The following CRYBG1 variants were observed in gnomAD, a reference collection of about 807,000 sequenced individuals.
The protein encoded by CRYBG1 is beta/gamma crystallin domain-containing protein 1.
In CRYBG1, 139 loss-of-function variants were observed where a neutral mutation model predicts 189.2. The observed-to-expected ratio is 0.73, with a 90% CI of 0.64 to 0.85. The LOEUF is 0.85. CRYBG1 is among the 40% of genes least tolerant of loss of function. CRYBG1 has a pLI of 0.00. For missense variants in CRYBG1, 2,611 were observed against 2,675.8 expected (o/e 0.98, Z 0.53); for synonymous variants, 1,023 against 1,017.1 (o/e 1.01, Z -0.11).
intron 1 of CRYBG1, among the ~76,000 whole-genome samples, chr6:106,377,642 TATA>T (rs565647398): frequency 2.8e-5 from 4 of 144,694 alleles, no homozygotes; most frequent in South Asian, 4.5e-4. Context: ...TATATATATA[TATA>T]TATTTTCATT....
At chr6:106,418,458 T>C (rs758086569) in intron 1 of CRYBG1, among the ~76,000 whole-genome samples, 3 of 152,228 alleles carry the variant, frequency 2.0e-5, no homozygotes, top group Non-Finnish European at 4.4e-5. Context: ...GCCTAGGCAT[T>C]TGGCTGACTC....
intron 2 of CRYBG1, among the ~76,000 whole-genome samples, chr6:106,479,888 C>T (rs879797143): frequency 5.3e-5 from 8 of 152,178 alleles, no homozygotes; most frequent in Admixed American, 3.3e-4. Context: ...TTGAAAGTGT[C>T]CTTAGAAGCA....
intron 4 of CRYBG1, among the ~76,000 whole-genome samples, chr6:106,524,317 C>T (rs1773684001): frequency 6.6e-6 from 1 of 152,076 alleles, no homozygotes; most frequent in South Asian, 2.1e-4. Context: ...AATCCCAGCA[C>T]TTTGGGAGGC....
chr6:106,530,389 G>A, intron 8 of CRYBG1, 74 bp downstream of exon 8: 1 of 1,386,744 alleles, frequency 7.2e-7, no homozygotes, highest in Non-Finnish European at 9.8e-7. Flanking sequence ...GAGGACTTAA[G>A]ATACTCTGAC....
chr6:106,448,723 C>T (rs1463748566), intron 1 of CRYBG1, among the ~76,000 whole-genome samples: 1 of 152,244 alleles, frequency 6.6e-6, no homozygotes, highest in Admixed American at 6.5e-5. Flanking sequence ...ACATCCATTT[C>T]TACCCTCTCC....
chr6:106,421,800 TCA>T (rs1347552570), intron 1 of CRYBG1, among the ~76,000 whole-genome samples: 1 of 152,100 alleles, frequency 6.6e-6, no homozygotes, highest in Non-Finnish European at 1.5e-5. Flanking sequence ...AATGGAGAAC[TCA>T]CAGTTCCACT....
chr6:106,425,343 C>T (rs760495636), intron 1 of CRYBG1, among the ~76,000 whole-genome samples: 26 of 152,244 alleles, frequency 1.7e-4, no homozygotes, highest in Non-Finnish European at 3.4e-4. Context: ...GTCCCACCTC[C>T]GCCACACTCA....
intron 8 of CRYBG1, among the ~76,000 whole-genome samples, chr6:106,538,611 G>C (rs962334406): frequency 6.6e-6 from 1 of 152,126 alleles, no homozygotes; most frequent in Non-Finnish European, 1.5e-5. Flanking sequence ...AATGATTAGG[G>C]CTGGGCATGG....
At chr6:106,476,593 T>C (rs1364120525) in intron 2 of CRYBG1, among the ~76,000 whole-genome samples, 1 of 148,110 alleles carries the variant, frequency 6.8e-6, no homozygotes, top group Non-Finnish European at 1.5e-5. Flanking sequence ...GAGGTGGAGA[T>C]TTTTTTAATG....
intron 1 of CRYBG1, among the ~76,000 whole-genome samples, chr6:106,435,529 G>A (rs1582761148): frequency 1.3e-5 from 2 of 152,150 alleles, no homozygotes. Flanking sequence ...TGTCAAAACA[G>A]ATGTTGGCTG....
rs373178193 is a variant in CRYBG1 at position 106,361,975 on chromosome 6, T to TCTTTCTTTCTTTCTTTC, written c.173+894_173+895insCTTTCTTTCTTTCTTTC. Among the ~76,000 whole-genome samples the TCTTTCTTTCTTTCTTTC allele has an allele frequency of 1.7e-3, 223 of 129,372 alleles. 1 individual carries two copies. Among genetic ancestry groups the TCTTTCTTTCTTTCTTTC allele is most frequent in the East Asian group, 2.5e-3 (11 of 4,374 alleles). The allele number at this position is 129,372 out of a possible 152,430, so 84.9% of individuals were successfully genotyped here. Reference sequence around the variant, plus strand: ...TCCTTTTATTTCTTTCTTTCTTTTTTTTTTTTTTTTTCTGAGACGGAGTCT... The same window carrying TCTTTCTTTCTTTCTTTC: ...TCCTTTTATTTCTTTCTTTCTTTTTTCTTTCTTTCTTTCTTTCTTTTTTTTTTTCTGAGACGGAGTCT... On this transcript the variant is annotated intron_variant, in intron 1 of 21. Transcript: ENST00000633556.
chr6:106,548,572 T>TC (rs1390916771), intron 13 of CRYBG1, among the ~76,000 whole-genome samples: 1 of 152,140 alleles, frequency 6.6e-6, no homozygotes, highest in Non-Finnish European at 1.5e-5. Flanking sequence ...CTGTCTTTTT[T>TC]CCCTCCAAAC....
intron 2 of CRYBG1, among the ~76,000 whole-genome samples, chr6:106,467,454 A>G (rs1490105819): frequency 6.6e-6 from 1 of 152,196 alleles, no homozygotes; most frequent in Non-Finnish European, 1.5e-5. Flanking sequence ...CCTGGGCAAC[A>G]GAGTAAGACC....
intron 2 of CRYBG1, among the ~76,000 whole-genome samples, chr6:106,467,825 A>G (rs1055790814): frequency 1.3e-5 from 2 of 152,136 alleles, no homozygotes; most frequent in Non-Finnish European, 2.9e-5. Context: ...ACAGTTATAC[A>G]TTTTTGCTGC....
chr6:106,402,274 C>T (rs1770734556), intron 1 of CRYBG1, among the ~76,000 whole-genome samples: 1 of 96,328 alleles, frequency 1.0e-5, no homozygotes, highest in Admixed American at 1.3e-4. Context: ...CAATGACTTT[C>T]TTCACAGAAT....
chr6:106,487,787 T>G (rs1364980617), intron 2 of CRYBG1, among the ~76,000 whole-genome samples: 1 of 152,212 alleles, frequency 6.6e-6, no homozygotes, highest in African/African-American at 2.4e-5. Context: ...TTTTGAATTC[T>G]TTTTCAGGGA....
intron 9 of CRYBG1, 115 bp downstream of exon 9, chr6:106,539,644 G>T: frequency 8.7e-7 from 1 of 1,147,122 alleles, no homozygotes. Flanking sequence ...ATTTGTAGTA[G>T]ATTGGACCTA....
At chr6:106,565,512 C>CTTAG (rs1774857261) in intron 21 of CRYBG1, among the ~76,000 whole-genome samples, 1 of 152,040 alleles carries the variant, frequency 6.6e-6, no homozygotes, top group African/African-American at 2.4e-5. Flanking sequence ...AAACAATGGA[C>CTTAG]TTAGGATCAG....
intron 2 of CRYBG1, among the ~76,000 whole-genome samples, chr6:106,452,869 G>A (rs1351467957): frequency 1.3e-5 from 2 of 152,178 alleles, no homozygotes; most frequent in African/African-American, 2.4e-5. Flanking sequence ...GGGTGAGTGA[G>A]AGCTAGTTTA....
Sources: allele counts gnomAD v4.1 joint callset (sites outside exome capture counted in the v4.1 genomes callset), GRCh38; gene constraint gnomAD v4.1.1; transcripts MANE v1.5; gene names NCBI Gene and HGNC (gene_info 2026-07-23, HGNC 2026-07-21).